Variants in ATP8A2 observed in about 807,000 individuals in gnomAD.
ATP8A2 encodes the protein ATPase phospholipid transporting 8A2.
A neutral mutation model predicts 165.6 loss-of-function variants in ATP8A2; 100 were observed. That is an observed-to-expected ratio of 0.60 (90% CI 0.51 to 0.71). The LOEUF (loss-of-function observed/expected upper bound fraction) is 0.71. Among genes scored for constraint, ATP8A2 ranks in the 30% least tolerant of loss-of-function variants. ATP8A2 has a pLI of 0.00. For missense variants in ATP8A2, 1,227 were observed against 1,479.5 expected (o/e 0.83, Z 2.80); for synonymous variants, 543 against 548.8 (o/e 0.99, Z 0.15).
chr13:25,813,436 T>C (rs914912716), intron 27 of ATP8A2, among the ~76,000 whole-genome samples: 5 of 143,180 alleles, frequency 3.5e-5, no homozygotes, highest in Admixed American at 1.5e-4. Context: ...TGGTATGATA[T>C]GATATGGTGA....
chr13:26,012,501 A>T (rs757521045), intron 35 of ATP8A2, 30 bp from the exon 36 acceptor site: 1 of 1,531,080 alleles, frequency 6.5e-7, no homozygotes. Context: ...TTCAGGTGAC[A>T]AGAGACTGAC....
At chr13:25,917,008 C>T (rs1954288059) in intron 33 of ATP8A2, among the ~76,000 whole-genome samples, 1 of 152,124 alleles carries the variant, frequency 6.6e-6, no homozygotes, top group African/African-American at 2.4e-5. Context: ...TATCATCAGT[C>T]CAATTGCTCT....
chr13:25,424,830 C>T (rs368359075), intron 1 of ATP8A2, among the ~76,000 whole-genome samples: 10 of 152,214 alleles, frequency 6.6e-5, no homozygotes, highest in East Asian at 1.9e-4. Context: ...TGGTGGTGGG[C>T]GCCTGTAGTT....
intron 24 of ATP8A2, among the ~76,000 whole-genome samples, chr13:25,609,069 C>T (rs1326853447): frequency 6.6e-6 from 1 of 151,316 alleles, no homozygotes; most frequent in Admixed American, 6.6e-5. Context: ...GATTAGATTA[C>T]AAAATAAAAA....
intron 27 of ATP8A2, among the ~76,000 whole-genome samples, chr13:25,802,855 A>T (rs1950649935): frequency 6.6e-6 from 1 of 152,192 alleles, no homozygotes; most frequent in Admixed American, 6.5e-5. Flanking sequence ...AGAACCGCAG[A>T]ATATAAACTG....
chr13:25,810,301 T>C (rs946908986), intron 27 of ATP8A2, among the ~76,000 whole-genome samples: 2 of 152,204 alleles, frequency 1.3e-5, no homozygotes, highest in Admixed American at 1.3e-4. Context: ...AGACTGCTGA[T>C]CTCGCTATAG....
At chr13:25,439,094 G>A (rs932932438) in intron 1 of ATP8A2, among the ~76,000 whole-genome samples, 8 of 152,132 alleles carry the variant, frequency 5.3e-5, no homozygotes, top group Non-Finnish European at 1.0e-4. Context: ...TCTCCCTTAG[G>A]AATCCAAAAA....
At chr13:25,674,265 T>TCCCCCC (rs111355454) in intron 24 of ATP8A2, among the ~76,000 whole-genome samples, 3 of 151,192 alleles carry the variant, frequency 2.0e-5, no homozygotes, top group African/African-American at 7.3e-5. Context: ...TCCAGATGTG[T>TCCCCCC]CCCCCCCCGA....
At chr13:25,954,254 G>A (rs898591968) in intron 33 of ATP8A2, among the ~76,000 whole-genome samples, 27 of 152,206 alleles carry the variant, frequency 1.8e-4, no homozygotes, top group African/African-American at 6.5e-4. Context: ...GTTTGAACTG[G>A]GTGGAGCCCA....
chr13:25,955,091 T>C (rs1429819423), intron 33 of ATP8A2, among the ~76,000 whole-genome samples: 1 of 152,164 alleles, frequency 6.6e-6, no homozygotes, highest in Non-Finnish European at 1.5e-5. Context: ...GCAAGGAAGC[T>C]AAGAACCTTG....
chr13:25,698,846 C>T lies in ATP8A2; in HGVS notation c.2212-327C>T, dbSNP rs111968665. Reference sequence around the variant, plus strand: ...ATGTTAGTGTTTGCCATTCAAGTTCCAATAATGCTATCTTTCCCCAAAAAG... The same window carrying T: ...ATGTTAGTGTTTGCCATTCAAGTTCTAATAATGCTATCTTTCCCCAAAAAG... On this transcript the variant is annotated intron_variant, in intron 24 of 36. Transcript: ENST00000381655. Among the ~76,000 whole-genome samples, 491 of 152,218 alleles carry T rather than the reference C, an allele frequency of 3.2e-3. 4 individuals are homozygous for T. The highest frequency in any genetic ancestry group is 0.011 in the African/African-American group (472 of 41,532).
At chr13:25,840,449 T>C (rs1233019561) in intron 30 of ATP8A2, among the ~76,000 whole-genome samples, 1 of 152,228 alleles carries the variant, frequency 6.6e-6, no homozygotes, top group Non-Finnish European at 1.5e-5. Context: ...CTCACTGATA[T>C]TCTTTAACCT....
At chr13:25,600,876 G>C (rs2040366192) in intron 24 of ATP8A2, among the ~76,000 whole-genome samples, 1 of 152,160 alleles carries the variant, frequency 6.6e-6, no homozygotes, top group Non-Finnish European at 1.5e-5. Flanking sequence ...ATAATATCTA[G>C]CACCAGCTCA....
chr13:25,889,245 C>CATTCATATATATATATAT (rs1953269075), intron 33 of ATP8A2, among the ~76,000 whole-genome samples: 1 of 109,972 alleles, frequency 9.1e-6, no homozygotes, highest in African/African-American at 4.3e-5. Flanking sequence ...CATCCTTTGT[C>CATTCATATATATATATAT]ATATATATAT....
intron 1 of ATP8A2, among the ~76,000 whole-genome samples, chr13:25,386,592 T>A (rs1389583300): frequency 1.3e-5 from 2 of 152,216 alleles, no homozygotes; most frequent in East Asian, 3.9e-4. Flanking sequence ...CTGAAACAAT[T>A]TATTGGTGGC....
At chr13:25,690,869 C>T (rs528807705) in intron 24 of ATP8A2, among the ~76,000 whole-genome samples, 1 of 149,186 alleles carries the variant, frequency 6.7e-6, no homozygotes, top group Non-Finnish European at 1.5e-5. Context: ...GTAATATAAA[C>T]GTAAGTCTAC....
At chr13:25,457,457 G>A (rs1020206206) in intron 1 of ATP8A2, among the ~76,000 whole-genome samples, 3 of 152,124 alleles carry the variant, frequency 2.0e-5, no homozygotes, top group African/African-American at 7.2e-5. Context: ...AAATGCACCT[G>A]TGGGCATTGA....
At chr13:25,598,195 T>C (rs1035964029) in intron 24 of ATP8A2, among the ~76,000 whole-genome samples, 2 of 152,242 alleles carry the variant, frequency 1.3e-5, no homozygotes, top group African/African-American at 4.8e-5. Context: ...TGACTCTTCC[T>C]CGACCCTCTA....
intron 33 of ATP8A2, among the ~76,000 whole-genome samples, chr13:25,958,274 A>G (rs1297916131): frequency 6.6e-6 from 1 of 151,092 alleles, no homozygotes; most frequent in Non-Finnish European, 1.5e-5. Flanking sequence ...TGTTCTGCAC[A>G]TGTATCCCAG....
Sources: gnomAD v4.1 joint callset for allele counts (sites outside exome capture counted in the v4.1 genomes callset) on GRCh38, gnomAD v4.1.1 for gene constraint, MANE v1.5 for transcripts, NCBI Gene and HGNC (gene_info 2026-07-23, HGNC 2026-07-21) for gene names.